The following ADAMTS9 variants were observed in gnomAD, a reference collection of about 807,000 sequenced individuals.
ADAMTS9 encodes the protein A disintegrin and metalloproteinase with thrombospondin motifs 9.
A neutral mutation model predicts 257.1 loss-of-function variants in ADAMTS9; 107 were observed. The observed-to-expected ratio is 0.42, with a 90% CI of 0.36 to 0.49. The LOEUF is 0.49. Among genes scored for constraint, ADAMTS9 ranks in the 20% least tolerant of loss-of-function variants. The pLI, the probability that ADAMTS9 is intolerant of heterozygous loss-of-function variation, is 0.03. For missense variants in ADAMTS9, 2,353 were observed against 2,469.1 expected (o/e 0.95, Z 1.00); for synonymous variants, 982 against 880.9 (o/e 1.11, Z -2.03).
At position 64,602,112 on chromosome 3, in the gene ADAMTS9, G is replaced by T. The variant is rs1559786435; in HGVS notation, c.3849C>A (p.Ile1283=). ...IDRSECDQDY[I]PETDQDCSMS... ...TGGAACAGTCCTGGTCAGTTTCTGGGATATAATCCTGGTCACACTCACTCC... is the reference window on the plus strand; with the variant it reads ...TGGAACAGTCCTGGTCAGTTTCTGGTATATAATCCTGGTCACACTCACTCC... The change falls in exon 26 of 40, where the codon ATC becomes ATA. Residue 1283 remains isoleucine, a synonymous_variant. Coordinates refer to ENST00000498707, the MANE Select transcript of ADAMTS9 (RefSeq NM_182920.2). 4 of 1,614,098 alleles carry T rather than the reference G, an allele frequency of 2.5e-6. No individual in the cohort carries two copies. Among genetic ancestry groups the T allele is most frequent in the Non-Finnish European group, 2.5e-6 (3 of 1,179,990 alleles).
intron 28 of ADAMTS9, among the ~76,000 whole-genome samples, chr3:64,569,757 A>AT (rs1179221645): frequency 6.6e-6 from 1 of 152,146 alleles, no homozygotes; most frequent in Non-Finnish European, 1.5e-5. Flanking sequence ...TTTGGCTTTA[A>AT]TTTTTTTAAC....
intron 10 of ADAMTS9, 57 bp from the exon 11 acceptor site, chr3:64,648,101 A>G: frequency 6.6e-7 from 1 of 1,505,136 alleles, no homozygotes; most frequent in Non-Finnish European, 9.1e-7. Flanking sequence ...GGCAGTATCA[A>G]ACAAAGCAAA....
At chr3:64,520,518 T>C (rs9873285) in intron 39 of ADAMTS9, among the ~76,000 whole-genome samples, 2,210 of 152,152 alleles carry the variant, frequency 0.015, 48 homozygotes, top group African/African-American at 0.044. Flanking sequence ...GCCAGAGGTA[T>C]CATATTACCG....
chr3:64,632,802 A>C (rs1205176880), intron 14 of ADAMTS9, among the ~76,000 whole-genome samples: 1 of 150,096 alleles, frequency 6.7e-6, no homozygotes, highest in East Asian at 1.9e-4. Flanking sequence ...CCAACCAGGA[A>C]CTCCAATATG....
chr3:64,641,830 A>G lies in ADAMTS9; in HGVS notation c.1856+18T>C. The G allele has an allele frequency of 6.2e-7, 1 of 1,613,428 alleles. No homozygotes were observed. The highest frequency in any genetic ancestry group is 8.5e-7 in the Non-Finnish European group (1 of 1,179,674). ...TCCTGCCACGGCAGTAATAACAGTT[A>G]TACATTCTAGGACTTACTCTGGTCT... On this transcript the variant is annotated intron_variant, in intron 12 of 39. Transcript: ENST00000498707.
intron 12 of ADAMTS9, among the ~76,000 whole-genome samples, chr3:64,639,581 C>T (rs1285058314): frequency 6.6e-6 from 1 of 151,932 alleles, no homozygotes; most frequent in African/African-American, 2.4e-5. Context: ...AAAGGCCAAA[C>T]ACTTCTTTTG....
Position 64,658,746 on chromosome 3 carries a change from C to A in ADAMTS9, c.725G>T (p.Arg242Ile), listed in dbSNP as rs1171691251. The A allele has an allele frequency of 1.9e-6, 3 of 1,614,154 alleles. No homozygotes were observed. Among genetic ancestry groups the A allele is most frequent in the South Asian group, 2.2e-5 (2 of 91,080 alleles). ...HSKDKKKTRA[R>I]KWGERINLAG... ...CAGGTTAATCCTTTCTCCCCATTTT[C>A]TTGCTCTGGTTTTCTTCTTGTCTTT... is the stretch of plus-strand genomic sequence containing the variant. Residue 242 changes from arginine (R) to isoleucine (I), a missense_variant, in exon 4 of 40, where the codon AGA becomes ATA. By Grantham distance (97) the Arg-to-Ile change is moderately conservative. Coordinates refer to ENST00000498707, the MANE Select transcript of ADAMTS9 (RefSeq NM_182920.2).
Position 64,655,442 on chromosome 3 carries a change from T to A in ADAMTS9, c.1169+134A>T, listed in dbSNP as rs1341149355. ...AACATCTTGCAATGCACAGAAGGAATTGTCCAGCCCAAAATGTCAACAGTG... is the reference window on the plus strand; with the variant it reads ...AACATCTTGCAATGCACAGAAGGAAATGTCCAGCCCAAAATGTCAACAGTG... On this transcript the variant is annotated intron_variant, in intron 6 of 39. Coordinates refer to ENST00000498707, the MANE Select transcript of ADAMTS9 (RefSeq NM_182920.2). 10 of 706,176 alleles carry A rather than the reference T, an allele frequency of 1.4e-5. No homozygotes were observed. The East Asian group carries it at 1.9e-4, about 13-fold the overall frequency. 43.7% of individuals were successfully genotyped at this position (706,176 alleles called of 1,614,324 possible).
chr3:64,630,973 C>T (rs1013778508), intron 16 of ADAMTS9, among the ~76,000 whole-genome samples: 9 of 152,150 alleles, frequency 5.9e-5, no homozygotes, highest in Admixed American at 1.3e-4. Context: ...GAGAAAAATA[C>T]GTGTCACCAT....
intron 28 of ADAMTS9, among the ~76,000 whole-genome samples, chr3:64,577,203 C>T (rs1202441458): frequency 2.0e-5 from 3 of 152,112 alleles, no homozygotes; most frequent in African/African-American, 4.8e-5. Context: ...TGAATTCTAT[C>T]GTGGCTATAT....
intron 39 of ADAMTS9, 69 bp downstream of exon 39, chr3:64,522,096 AT>A: frequency 7.4e-7 from 1 of 1,359,590 alleles, no homozygotes; most frequent in Non-Finnish European, 1.0e-6. Flanking sequence ...ATCCTCCCAC[AT>A]TTGCTCATAT....
At chr3:64,642,823 T>A (rs1035124091) in intron 11 of ADAMTS9, among the ~76,000 whole-genome samples, 1 of 151,818 alleles carries the variant, frequency 6.6e-6, no homozygotes, top group Non-Finnish European at 1.5e-5. Context: ...GTGGCGACTG[T>A]CGTGATTTAT....
At chr3:64,525,605 ATTTAT>A (rs2082900372) in intron 38 of ADAMTS9, among the ~76,000 whole-genome samples, 1 of 151,958 alleles carries the variant, frequency 6.6e-6, no homozygotes, top group East Asian at 1.9e-4. Context: ...AAGTTATAGT[ATTTAT>A]TTTATTTTTA....
intron 28 of ADAMTS9, among the ~76,000 whole-genome samples, chr3:64,570,098 GAAAAT>G (rs2083642068): frequency 6.6e-6 from 1 of 152,066 alleles, no homozygotes; most frequent in East Asian, 1.9e-4. Context: ...TCTCTGAAAA[GAAAAT>G]AATATAAGGG....
rs1407602602 is a variant in ADAMTS9 at position 64,654,409 on chromosome 3, A to C, written c.1260T>G (p.Ile420Met). Residue 420 changes from isoleucine (I) to methionine (M), a missense_variant, in exon 8 of 40, where the codon ATT becomes ATG. Ile to Met is a conservative substitution (Grantham distance 10, BLOSUM62 1). This residue lies in a region of ADAMTS9 where 591 missense variants were observed against 569.6 expected (regional missense o/e 1.04). Transcript: ENST00000498707. ...TICDPYRSCS[I>M]SEDSGLSTAF... is the part of the protein sequence containing the mutation. The stretch of plus-strand genomic sequence containing the variant: ...CTGTACTCAATCCACTATCTTCACT[A>C]ATAGAACAGCTTCTATAGGGATCAC... 1.9e-6 allele frequency: 3 copies of C among 1,614,174 alleles called. No individual in the cohort carries two copies.
intron 26 of ADAMTS9, among the ~76,000 whole-genome samples, chr3:64,598,628 T>C (rs539120473): frequency 1.2e-4 from 18 of 152,256 alleles, no homozygotes; most frequent in African/African-American, 3.8e-4. Flanking sequence ...CCTTACTTCC[T>C]ACCTTCCTAC....
chr3:64,575,807 C>T (rs574740535), intron 28 of ADAMTS9, among the ~76,000 whole-genome samples: 1 of 152,288 alleles, frequency 6.6e-6, no homozygotes, highest in South Asian at 2.1e-4. Context: ...ATGCAAAGCT[C>T]TTTGTGTTTC....
chr3:64,551,728 A>T (rs1312056281), intron 30 of ADAMTS9, among the ~76,000 whole-genome samples: 1 of 152,220 alleles, frequency 6.6e-6, no homozygotes, highest in African/African-American at 2.4e-5. Context: ...AGGATCAGGG[A>T]CATCAGTACC....
intron 30 of ADAMTS9, among the ~76,000 whole-genome samples, chr3:64,557,274 A>G (rs1180180374): frequency 2.6e-5 from 4 of 152,196 alleles, no homozygotes; most frequent in African/African-American, 9.7e-5. Context: ...TGTGAGATCT[A>G]TTCCTCAATG....
Sources: allele counts gnomAD v4.1 joint callset (sites outside exome capture counted in the v4.1 genomes callset), GRCh38; gene constraint gnomAD v4.1.1; regional missense constraint gnomAD v4.1.1; transcripts MANE v1.5; gene names NCBI Gene and HGNC (gene_info 2026-07-23, HGNC 2026-07-21).